DISP1: variants seen among roughly 807,000 people sequenced by gnomAD.
The protein encoded by DISP1 is protein dispatched homolog 1.
In DISP1, 30 loss-of-function variants were observed where a neutral mutation model predicts 37.3. That is an observed-to-expected ratio of 0.80 (90% CI 0.60 to 1.09). The LOEUF is 1.09. DISP1 is among the 50% of genes least tolerant of loss of function. DISP1 has a pLI of 0.00. For missense variants in DISP1, 1,598 were observed against 1,879.5 expected (o/e 0.85, Z 2.77); for synonymous variants, 634 against 690.2 (o/e 0.92, Z 1.28).
intron 1 of DISP1, among the ~76,000 whole-genome samples, chr1:222,840,784 A>G (rs1292061700): frequency 6.6e-6 from 1 of 151,888 alleles, no homozygotes; most frequent in Non-Finnish European, 1.5e-5. Context: ...GGATGGTCTC[A>G]ATCTCCTGAC....
At chr1:222,966,344 G>T (rs1221579422) in intron 3 of DISP1, among the ~76,000 whole-genome samples, 4 of 152,272 alleles carry the variant, frequency 2.6e-5, no homozygotes, top group Admixed American at 1.3e-4. Flanking sequence ...TTGTAGATCA[G>T]TGAAGTTTTG....
chr1:222,871,912 T>C (rs919939978), intron 1 of DISP1, among the ~76,000 whole-genome samples: 15 of 152,290 alleles, frequency 9.8e-5, no homozygotes, highest in Non-Finnish European at 1.8e-4. Context: ...CAGTATGATA[T>C]TGGCTGTGGG....
chr1:222,984,976 A>G (rs949628588), intron 4 of DISP1, among the ~76,000 whole-genome samples: 1 of 152,120 alleles, frequency 6.6e-6, no homozygotes, highest in African/African-American at 2.4e-5. Flanking sequence ...TCCTTTTTGT[A>G]AGGCTGAATA....
chr1:223,003,616 C>T lies in DISP1; in HGVS notation c.2219C>T (p.Pro740Leu). ...VGGAYIVCIN[P>L]KMKLPSLELS... is the part of the protein sequence containing the mutation. ...GGGGCCTACATTGTATGTATAAATC[C>T]AAAGATGAAACTGCCCTCACTGGAG... Residue 740 changes from proline (P) to leucine (L), a missense_variant, in exon 9 of 9, where the codon CCA (proline) becomes CTA (leucine). By Grantham distance (98) the Pro-to-Leu change is moderately conservative. Coordinates refer to ENST00000675850, the MANE Select transcript of DISP1 (RefSeq NM_001377229.1). This position sits in a 1 kb window ranked among gnomAD's most constrained non-coding sequence, Gnocchi z 4.3. The T allele has an allele frequency of 1.2e-6, 2 of 1,614,162 alleles. No homozygotes were observed. Among genetic ancestry groups the T allele is most frequent in the Non-Finnish European group, 1.7e-6 (2 of 1,180,032 alleles).
chr1:222,957,145 T>TAAAAA (rs35888809), intron 3 of DISP1, among the ~76,000 whole-genome samples: 38 of 103,248 alleles, frequency 3.7e-4, no homozygotes, highest in African/African-American at 1.3e-3. Context: ...TTTACTATTG[T>TAAAAA]AAAAAAAAAA....
intron 1 of DISP1, among the ~76,000 whole-genome samples, chr1:222,898,882 T>G (rs921967641): frequency 6.6e-6 from 1 of 152,148 alleles, no homozygotes; most frequent in Non-Finnish European, 1.5e-5. Flanking sequence ...TAAATTAACT[T>G]ATCTAGTTGA....
chr1:222,916,105 C>G (rs1049187793), intron 1 of DISP1, among the ~76,000 whole-genome samples: 1 of 152,126 alleles, frequency 6.6e-6, no homozygotes, highest in Non-Finnish European at 1.5e-5. Flanking sequence ...GGCTTGAGTA[C>G]CTGGAACAGG....
chr1:222,933,334 A>G (rs1479165173), intron 2 of DISP1, among the ~76,000 whole-genome samples: 1 of 151,972 alleles, frequency 6.6e-6, no homozygotes, highest in Admixed American at 6.6e-5. Flanking sequence ...TATATCATGT[A>G]TGTAATCATA....
chr1:222,967,719 T>C (rs968343274), intron 3 of DISP1, among the ~76,000 whole-genome samples: 14 of 152,166 alleles, frequency 9.2e-5, no homozygotes, highest in African/African-American at 3.4e-4. Context: ...TGACTTGGCA[T>C]TGAATGTGAG....
At position 223,003,902 on chromosome 1, in the gene DISP1, A is replaced by T; in HGVS notation, c.2505A>T (p.Arg835Ser). The T allele has an allele frequency of 1.9e-6, 3 of 1,614,164 alleles. No individual in the cohort carries two copies. Among genetic ancestry groups the T allele is most frequent in the Non-Finnish European group, 2.5e-6 (3 of 1,180,018 alleles). Residue 835 changes from arginine (R) to serine (S), a missense_variant, in exon 9 of 9, where the codon AGA becomes AGT. Coordinates refer to ENST00000675850, the MANE Select transcript of DISP1 (RefSeq NM_001377229.1). The surrounding 1 kb of genome is among the most constrained non-coding windows in gnomAD (Gnocchi z 4.3). ...AWILHFCQKL[R>S]NQTFFYQTDE... ...TTTTGCACTTCTGTCAAAAACTGAG[A>T]AACCAAACATTCTTTTACCAGACTG...
chr1:222,917,991 G>A (rs558724963), intron 1 of DISP1, among the ~76,000 whole-genome samples: 59 of 152,264 alleles, frequency 3.9e-4, no homozygotes, highest in African/African-American at 1.3e-3. Flanking sequence ...CTTATAACAC[G>A]GTTCCCCTCT....
intron 1 of DISP1, among the ~76,000 whole-genome samples, chr1:222,859,961 A>AG (rs1387758777): frequency 6.6e-6 from 1 of 152,264 alleles, no homozygotes; most frequent in South Asian, 2.1e-4. Context: ...TGTTGAGAAA[A>AG]GGCATAGAAA....
intron 4 of DISP1, among the ~76,000 whole-genome samples, chr1:222,984,572 A>T (rs1572698263): frequency 6.6e-6 from 1 of 150,888 alleles, no homozygotes; most frequent in Non-Finnish European, 1.5e-5. Flanking sequence ...CATACTTTAA[A>T]TGTTATAACA....
intron 1 of DISP1, among the ~76,000 whole-genome samples, chr1:222,917,353 G>T (rs919939136): frequency 6.6e-6 from 1 of 152,146 alleles, no homozygotes; most frequent in South Asian, 2.1e-4. Context: ...TGCAGGGACA[G>T]GGAGGGACAG....
At chr1:222,962,538 G>T (rs896104599) in intron 3 of DISP1, among the ~76,000 whole-genome samples, 2 of 152,122 alleles carry the variant, frequency 1.3e-5, no homozygotes, top group African/African-American at 4.8e-5. Flanking sequence ...TTTACCACAA[G>T]GCTACAGTAA....
In DISP1 at chr1:222,942,895, C is replaced by T. The variant is rs894273733; in HGVS notation, c.72C>T (p.Asn24=). 2.5e-6 allele frequency: 4 copies of T among 1,614,014 alleles called. No homozygotes were observed. The highest frequency in any genetic ancestry group is 2.5e-6 in the Non-Finnish European group (3 of 1,180,032). ...GCAGCATCGCAACCAGTGCTGCTAACCCGAGTCCCCTCACCCCCTGTGATG... is the reference window on the plus strand; with the variant it reads ...GCAGCATCGCAACCAGTGCTGCTAATCCGAGTCCCCTCACCCCCTGTGATG... ...SNSSIATSAA[N]PSPLTPCDGD... is the part of the protein sequence containing the mutation. Residue 24 remains asparagine (N), a synonymous_variant, in exon 3 of 9, where the codon AAC becomes AAT. Transcript: ENST00000675850.
At position 222,893,335 on chromosome 1, in the gene DISP1, C is replaced by T. The variant is rs1425418784; in HGVS notation, c.-158-35095C>T. ...GATCCTTGGGATGTTACTTCGCCAACTGGAAACCTCTGTAGCTGGCGGAGC... is the reference window on the plus strand; with the variant it reads ...GATCCTTGGGATGTTACTTCGCCAATTGGAAACCTCTGTAGCTGGCGGAGC... On this transcript the variant is annotated intron_variant, in intron 1 of 8. Coordinates refer to ENST00000675850, the MANE Select transcript of DISP1 (RefSeq NM_001377229.1). This position sits in a 1 kb window ranked among gnomAD's most constrained non-coding sequence, Gnocchi z 4.3. Among the ~76,000 whole-genome samples the T allele has an allele frequency of 2.6e-5, 4 of 152,340 alleles. No homozygotes were observed. In the East Asian group the frequency reaches 7.7e-4, roughly 29 times the overall value.
rs145750065 is a variant in DISP1 at position 222,839,632 on chromosome 1, A to G, written c.-159+24554A>G. 6.9e-3 allele frequency among the ~76,000 whole-genome samples: 1,044 copies of G among 152,256 alleles called. 11 individuals carry two copies. The highest frequency in any genetic ancestry group is 0.017 in the Middle Eastern group (5 of 294). On this transcript the variant is annotated intron_variant, in intron 1 of 8. Transcript: ENST00000675850. ...GAACCCATTGGAAGTTGAGAATATC[A>G]TAAGTCAAAAATGCATTTAGAGCCA...
chr1:222,936,886 ATAATATATT>A (rs1277456032), intron 2 of DISP1, among the ~76,000 whole-genome samples: 37 of 86,662 alleles, frequency 4.3e-4, no homozygotes, highest in East Asian at 3.4e-3. Context: ...TATGATATAT[ATAATATATT>A]ATTTATATAT....
Sources: allele counts gnomAD v4.1 joint callset (sites outside exome capture counted in the v4.1 genomes callset), GRCh38; gene constraint gnomAD v4.1.1; non-coding constraint Gnocchi (gnomAD v3.1); transcripts MANE v1.5; gene names NCBI Gene and HGNC (gene_info 2026-07-23, HGNC 2026-07-21).